The following COL28A1 variants were observed in gnomAD, a reference collection of about 807,000 sequenced individuals.
The protein encoded by COL28A1 is collagen type XXVIII alpha 1 chain.
COL28A1 carries 161 observed loss-of-function variants against 150.2 expected under a neutral mutation model. The ratio of observed to expected loss-of-function variants is 1.07; its 90% CI spans 0.94 to 1.22. COL28A1 has a LOEUF of 1.22. COL28A1 is among the 50% of genes most tolerant of loss of function. The probability of loss-of-function intolerance (pLI) is 0.00; values close to 1 mark genes in which losing one functional copy is unlikely to be tolerated. For synonymous variants in COL28A1, 552 were observed against 469.7 expected (o/e 1.18, Z -2.26); for missense variants, 1,617 against 1,388.3 (o/e 1.16, Z -2.62).
intron 23 of COL28A1, among the ~76,000 whole-genome samples, chr7:7,433,463 G>A (rs939501524): frequency 4.6e-5 from 7 of 151,820 alleles, no homozygotes; most frequent in African/African-American, 1.5e-4. Context: ...GTGAAACCCC[G>A]TCTCTACTAA....
intron 25 of COL28A1, among the ~76,000 whole-genome samples, chr7:7,421,847 T>C (rs978017477): frequency 4.6e-5 from 7 of 152,188 alleles, no homozygotes; most frequent in African/African-American, 1.7e-4. Context: ...ACTTAGTACT[T>C]AGCTGCTTCT....
chr7:7,439,852 C>T (rs1785627085), intron 21 of COL28A1, among the ~76,000 whole-genome samples: 1 of 152,170 alleles, frequency 6.6e-6, no homozygotes, highest in Admixed American at 6.5e-5. Flanking sequence ...TTGTAATCAT[C>T]CCCAGGTGAT....
intron 30 of COL28A1, among the ~76,000 whole-genome samples, chr7:7,379,459 T>C (rs569182056): frequency 6.6e-6 from 1 of 152,214 alleles, no homozygotes; most frequent in East Asian, 1.9e-4. Flanking sequence ...TTTTGTCTGC[T>C]CTGGACCCCG....
At chr7:7,365,222 G>GTCAAATGTTTGTTTCTATTCTTGT (rs1780871574) in intron 33 of COL28A1, among the ~76,000 whole-genome samples, 2 of 148,446 alleles carry the variant, frequency 1.3e-5, no homozygotes, top group Non-Finnish European at 3.0e-5. Context: ...TGGGTGGTGA[G>GTCAAATGTTTGTTTCTATTCTTGT]TACGCAGTCA....
chr7:7,387,883 C>G (rs866201878), intron 27 of COL28A1, among the ~76,000 whole-genome samples: 3 of 152,156 alleles, frequency 2.0e-5, no homozygotes, highest in African/African-American at 4.8e-5. Context: ...AAAAGAAAAT[C>G]AAAAGACCTA....
intron 11 of COL28A1, among the ~76,000 whole-genome samples, chr7:7,491,644 T>C (rs975640642): frequency 1.3e-5 from 2 of 152,216 alleles, no homozygotes; most frequent in Non-Finnish European, 2.9e-5. Flanking sequence ...ATGTGACCAT[T>C]GCACTCAAAC....
At chr7:7,518,688 G>A (rs73674574) in intron 6 of COL28A1, among the ~76,000 whole-genome samples, 39,873 of 151,908 alleles carry the variant, frequency 0.26, 5,396 homozygotes, top group Middle Eastern at 0.38. Flanking sequence ...AGTTATTATT[G>A]TTTTAATATT....
intron 22 of COL28A1, among the ~76,000 whole-genome samples, 163 bp from the exon 23 acceptor site, chr7:7,436,626 T>G (rs903288497): frequency 2.0e-5 from 3 of 152,206 alleles, no homozygotes; most frequent in Non-Finnish European, 2.9e-5. Flanking sequence ...TTTCAAATCC[T>G]AAGTAAATAA....
rs1203773201 is a variant in COL28A1 at position 7,368,200 on chromosome 7, CTGCCTGGCCTATAGA to C, written c.3066+2510_3066+2524del. ...TTTAAAACTCCTCTGCTGTCTCTGC[CTGCCTGGCCTATAGA>C]TGAAGTTCAAGCTCCTTGCCTTAAT... On this transcript the variant is annotated intron_variant, in intron 33 of 34. Coordinates refer to ENST00000399429, the MANE Select transcript of COL28A1 (RefSeq NM_001037763.3). Among the ~76,000 whole-genome samples the C allele has an allele frequency of 8.7e-4, 133 of 152,196 alleles. 2 individuals carry two copies. Among genetic ancestry groups the C allele is most frequent in the Non-Finnish European group, 2.1e-4 (14 of 68,014 alleles).
chr7:7,464,402 T>A (rs1055890582), intron 15 of COL28A1, among the ~76,000 whole-genome samples: 5 of 152,148 alleles, frequency 3.3e-5, no homozygotes, highest in African/African-American at 7.2e-5. Flanking sequence ...AGATAAAACA[T>A]ATCACAGGCA....
chr7:7,411,000 A>G (rs1225851355), intron 27 of COL28A1, among the ~76,000 whole-genome samples: 1 of 152,162 alleles, frequency 6.6e-6, no homozygotes, highest in Admixed American at 6.6e-5. Flanking sequence ...TCTAACCACA[A>G]ATCTAGTCAA....
intron 13 of COL28A1, among the ~76,000 whole-genome samples, chr7:7,485,069 C>T (rs1779549298): frequency 6.6e-6 from 1 of 152,020 alleles, no homozygotes; most frequent in African/African-American, 2.4e-5. Context: ...ACACCAAACC[C>T]CTGTGACATG....
At chr7:7,436,333 A>G in intron 23 of COL28A1, 62 bp downstream of exon 23, 3 of 885,356 alleles carry the variant, frequency 3.4e-6, no homozygotes, top group Non-Finnish European at 5.8e-6. Context: ...CAACTTATGC[A>G]TTAAATCTAC....
At chr7:7,501,161 C>A (rs17168295) in intron 11 of COL28A1, among the ~76,000 whole-genome samples, 13,796 of 152,214 alleles carry the variant, frequency 0.091, 768 homozygotes, top group Middle Eastern at 0.21. Context: ...GTTTCTTACA[C>A]TTGACTGTAC....
chr7:7,518,925 G>T (rs544279268), intron 6 of COL28A1, among the ~76,000 whole-genome samples: 1 of 151,932 alleles, frequency 6.6e-6, no homozygotes, highest in African/African-American at 2.4e-5. Flanking sequence ...TACTAGTTTT[G>T]TTTCCTCTCT....
chr7:7,471,896 A>G (rs113444665), intron 15 of COL28A1, among the ~76,000 whole-genome samples: 15,464 of 152,226 alleles, frequency 0.1, 907 homozygotes, highest in Middle Eastern at 0.16. Context: ...CCCTGCCTCA[A>G]AAAAACAAAA....
the COL28A1 span, among the ~76,000 whole-genome samples, chr7:7,346,786 T>G: frequency 6.6e-6 from 1 of 152,024 alleles, no homozygotes; most frequent in Admixed American, 6.6e-5. Context: ...GAAAAGGGCT[T>G]AAGAAAGATA....
intron 25 of COL28A1, among the ~76,000 whole-genome samples, chr7:7,422,490 G>A (rs190130036): frequency 2.2e-4 from 33 of 152,152 alleles, no homozygotes; most frequent in Admixed American, 1.3e-3. Context: ...TTAGCTAGGC[G>A]TGGCGGCAGG....
the COL28A1 span, among the ~76,000 whole-genome samples, chr7:7,350,862 T>C: frequency 0.083 from 12,691 of 152,058 alleles, 697 homozygotes; most frequent in Middle Eastern, 0.14. Flanking sequence ...GAACATTCCA[T>C]TAGCATTTAC....
Sources: gnomAD v4.1 joint callset for allele counts (sites outside exome capture counted in the v4.1 genomes callset) on GRCh38, gnomAD v4.1.1 for gene constraint, MANE v1.5 for transcripts, NCBI Gene and HGNC (gene_info 2026-07-23, HGNC 2026-07-21) for gene names.